DNER: variants seen among roughly 807,000 people sequenced by gnomAD.
The protein encoded by DNER is delta and Notch-like epidermal growth factor-related receptor.
DNER carries 33 observed loss-of-function variants against 78.2 expected under a neutral mutation model. The ratio of observed to expected loss-of-function variants is 0.42; its 90% CI spans 0.32 to 0.56. The LOEUF (loss-of-function observed/expected upper bound fraction) is 0.56. Ranked by LOEUF, DNER falls within the 20% of genes least tolerant of loss-of-function variation. The probability of loss-of-function intolerance (pLI) is 0.11; values close to 1 mark genes in which losing one functional copy is unlikely to be tolerated. For missense variants in DNER, 918 were observed against 975.3 expected, an observed-to-expected ratio of 0.94 and a Z score of 0.78; for synonymous variants, 417 against 384.8, an observed-to-expected ratio of 1.08 and a Z score of -0.98.
chr2:229,633,314 A>G lies in DNER; in HGVS notation c.277-41426T>C, dbSNP rs1271095440. ...ATAATGGTGTGTTAAGGAAAGAAGC[A>G]GGATATAAAATCATTCACCTATCAC... is the stretch of plus-strand genomic sequence containing the variant. On this transcript the variant is annotated intron_variant, in intron 1 of 12. Coordinates refer to ENST00000341772, the MANE Select transcript of DNER (RefSeq NM_139072.4). Among the ~76,000 whole-genome samples, 3 of 152,384 alleles carry G rather than the reference A, an allele frequency of 2.0e-5. No individual in the cohort carries two copies. The East Asian group carries it at 5.8e-4, about 29-fold the overall frequency.
intron 11 of DNER, among the ~76,000 whole-genome samples, chr2:229,378,928 G>A (rs1404233461): frequency 6.6e-6 from 1 of 152,108 alleles, no homozygotes; most frequent in Admixed American, 6.5e-5. Context: ...TCATACACAC[G>A]GTCTCCTTTC....
At chr2:229,413,317 TCTTC>T (rs1287393122) in intron 9 of DNER, among the ~76,000 whole-genome samples, 1 of 120,976 alleles carries the variant, frequency 8.3e-6, no homozygotes. Flanking sequence ...TTCTTTTTCT[TCTTC>T]TTTTTTTTTT....
At chr2:229,364,844 C>CTTTTTTT (rs34346714) in intron 12 of DNER, among the ~76,000 whole-genome samples, 1 of 75,488 alleles carries the variant, frequency 1.3e-5, no homozygotes, top group Non-Finnish European at 2.4e-5. Flanking sequence ...CTCTCTCTCT[C>CTTTTTTT]TTTTTTTTTT....
At chr2:229,382,371 C>A (rs540767028) in intron 11 of DNER, among the ~76,000 whole-genome samples, 6 of 152,236 alleles carry the variant, frequency 3.9e-5, no homozygotes, top group Admixed American at 2.6e-4. Context: ...TCCAAAGGAT[C>A]ACAACTTCTC....
At chr2:229,541,387 A>G (rs569064192) in intron 5 of DNER, among the ~76,000 whole-genome samples, 2 of 152,258 alleles carry the variant, frequency 1.3e-5, no homozygotes, top group Non-Finnish European at 1.5e-5. Flanking sequence ...CAGTGCCCAG[A>G]TATTTGGTCA....
chr2:229,547,183 C>G (rs2154213221), intron 4 of DNER, 91 bp from the exon 5 acceptor site: 2 of 1,525,482 alleles, frequency 1.3e-6, no homozygotes, highest in South Asian at 2.5e-5. Flanking sequence ...TTCTACAAGA[C>G]TATGAATTTA....
At chr2:229,413,321 C>CTTTTTTTTTTTTTTTTTTTTTTTTTTTTT (rs398061160) in intron 9 of DNER, among the ~76,000 whole-genome samples, 8 of 67,774 alleles carry the variant, frequency 1.2e-4, no homozygotes, top group African/African-American at 3.4e-4. Flanking sequence ...TTTTCTTCTT[C>CTTTTTTTTTTTTTTTTTTTTTTTTTTTTT]TTTTTTTTTT....
intron 1 of DNER, among the ~76,000 whole-genome samples, chr2:229,668,518 G>GGTAAGTA (rs1559202046): frequency 0.015 from 782 of 53,022 alleles, 9 homozygotes; most frequent in African/African-American, 0.085. Context: ...AGGTAAGTAT[G>GGTAAGTA]TGTGTGTGTG....
At chr2:229,432,387 A>G (rs1027750740) in intron 8 of DNER, among the ~76,000 whole-genome samples, 2 of 152,314 alleles carry the variant, frequency 1.3e-5, no homozygotes. Flanking sequence ...GGGAGGGGGG[A>G]AAATCAAAGA....
intron 1 of DNER, among the ~76,000 whole-genome samples, chr2:229,620,119 G>A (rs73107354): frequency 5.9e-5 from 9 of 152,176 alleles, no homozygotes; most frequent in Non-Finnish European, 1.0e-4. Context: ...AAAGCGACTC[G>A]GATGGGCACC....
At chr2:229,579,679 A>AC (rs1309728079) in intron 4 of DNER, among the ~76,000 whole-genome samples, 1 of 152,024 alleles carries the variant, frequency 6.6e-6, no homozygotes, top group African/African-American at 2.4e-5. Context: ...TGGATCTTTG[A>AC]CCCCTATGAC....
chr2:229,594,994 A>T (rs1365558919), intron 1 of DNER, among the ~76,000 whole-genome samples: 1 of 148,842 alleles, frequency 6.7e-6, no homozygotes, highest in African/African-American at 2.5e-5. Context: ...AAAAACTCTA[A>T]ATCTGTCCTA....
At chr2:229,647,145 C>T (rs999693471) in intron 1 of DNER, among the ~76,000 whole-genome samples, 19 of 152,162 alleles carry the variant, frequency 1.2e-4, no homozygotes, top group Admixed American at 7.2e-4. Flanking sequence ...CCAGCCTGGG[C>T]GACAGAGCAA....
chr2:229,464,769 T>C lies in DNER; in HGVS notation c.1261+12371A>G, dbSNP rs189680396. On this transcript the variant is annotated intron_variant, in intron 7 of 12. Transcript: ENST00000341772. Reference sequence around the variant, plus strand: ...AGAGAATGGTGGGGGCTGTGTAAGATAGTGGAGTCAGGAAGACCTAAGTGA... The same window carrying C: ...AGAGAATGGTGGGGGCTGTGTAAGACAGTGGAGTCAGGAAGACCTAAGTGA... 1.8e-4 allele frequency among the ~76,000 whole-genome samples: 27 copies of C among 152,134 alleles called. No individual in the cohort carries two copies. In the East Asian group the frequency reaches 3.1e-3, roughly 18 times the overall value.
intron 6 of DNER, among the ~76,000 whole-genome samples, chr2:229,508,508 T>C (rs1428006303): frequency 6.6e-6 from 1 of 152,218 alleles, no homozygotes; most frequent in Non-Finnish European, 1.5e-5. Context: ...ACATGAATCA[T>C]GCATGATACC....
intron 1 of DNER, among the ~76,000 whole-genome samples, chr2:229,709,931 T>A (rs1699885675): frequency 6.6e-6 from 1 of 152,144 alleles, no homozygotes; most frequent in Non-Finnish European, 1.5e-5. Context: ...AAAGAAAAAT[T>A]GGCCCAGCCA....
At chr2:229,466,500 C>T (rs1445348454) in intron 7 of DNER, among the ~76,000 whole-genome samples, 1 of 152,028 alleles carries the variant, frequency 6.6e-6, no homozygotes, top group Non-Finnish European at 1.5e-5. Context: ...TGAGTGGTCC[C>T]TCTTCAGACT....
chr2:229,528,702 G>T (rs1696250394), intron 5 of DNER, among the ~76,000 whole-genome samples: 1 of 152,138 alleles, frequency 6.6e-6, no homozygotes, highest in Non-Finnish European at 1.5e-5. Flanking sequence ...ATAAATATTT[G>T]CTGTCCCCAT....
chr2:229,407,389 C>G, intron 9 of DNER, 44 bp from the exon 10 acceptor site: 1 of 1,573,036 alleles, frequency 6.4e-7, no homozygotes, highest in Non-Finnish European at 8.7e-7. Flanking sequence ...CCAGGACTCT[C>G]TGGCTCCCAT....
Sources: allele counts gnomAD v4.1 joint callset (sites outside exome capture counted in the v4.1 genomes callset), GRCh38; gene constraint gnomAD v4.1.1; transcripts MANE v1.5; gene names NCBI Gene and HGNC (gene_info 2026-07-23, HGNC 2026-07-21).